CEP350: variants seen among roughly 807,000 people sequenced by gnomAD.
The protein encoded by CEP350 is centrosomal protein 350, also known as centrosome-associated protein 350.
A neutral mutation model predicts 331.8 loss-of-function variants in CEP350; 126 were observed. The ratio of observed to expected loss-of-function variants is 0.38; its 90% CI spans 0.33 to 0.44. CEP350 has a LOEUF of 0.44. Ranked by LOEUF, CEP350 falls within the 20% of genes least tolerant of loss-of-function variation. CEP350 has a pLI of 1.00. For missense variants in CEP350, 3,406 were observed against 3,634.6 expected, an observed-to-expected ratio of 0.94 and a Z score of 1.62; for synonymous variants, 1,200 against 1,259.5, an observed-to-expected ratio of 0.95 and a Z score of 1.00.
Position 180,112,182 on chromosome 1 carries a change from T to C in CEP350, c.*1021T>C, listed in dbSNP as rs1661494978. 6.6e-6 allele frequency: 1 copy of C among 152,664 alleles called. No homozygotes were observed. Among genetic ancestry groups the C allele is most frequent in the Non-Finnish European group, 1.5e-5 (1 of 68,036 alleles). 9.5% of individuals were successfully genotyped at this position (152,664 alleles called of 1,614,324 possible). The stretch of plus-strand genomic sequence containing the variant: ...ATTTTTTAATTTATTTTAAGATAAA[T>C]TATTAAGTTGAAAATGTGTGTCCCT... On this transcript the variant is annotated 3_prime_UTR_variant, in exon 38 of 38. Transcript: ENST00000367607.
At chr1:180,006,309 A>G in intron 7 of CEP350, 145 bp from the exon 8 acceptor site, 1 of 585,556 alleles carries the variant, frequency 1.7e-6, no homozygotes, top group East Asian at 2.9e-5. Context: ...TGTTGGTATT[A>G]TGTGGGCCAT....
intron 37 of CEP350, 142 bp downstream of exon 37, chr1:180,099,127 T>C (rs1660650852): frequency 1.3e-6 from 1 of 780,210 alleles, no homozygotes; most frequent in Non-Finnish European, 1.9e-6. Context: ...GCTGCATTTC[T>C]ACCCCTCAGT....
Position 180,043,066 on chromosome 1 carries a change from T to C in CEP350, c.4373T>C (p.Leu1458Ser). 2.5e-6 allele frequency: 4 copies of C among 1,612,310 alleles called. No individual in the cohort carries two copies. Among genetic ancestry groups the C allele is most frequent in the Non-Finnish European group, 3.4e-6 (4 of 1,179,082 alleles). The change falls in exon 20 of 38, where the codon TTG (leucine) becomes TCG (serine). Residue 1458 changes from leucine (L) to serine (S), a missense_variant. Transcript: ENST00000367607. ...TGTGTTCATGTTTAGATGGCAGAGT[T>C]GACTAGAACTCATATCTCAGATGCT... is the stretch of plus-strand genomic sequence containing the variant. The part of the protein sequence containing the change: ...AARQICEMAE[L>S]TRTHISDAVV...
At position 180,013,875 on chromosome 1, in the gene CEP350, T is replaced by A. The variant is rs1430069823; in HGVS notation, c.1422T>A (p.Asp474Glu). 1.2e-6 allele frequency: 2 copies of A among 1,612,086 alleles called. No individual in the cohort carries two copies. Among genetic ancestry groups the A allele is most frequent in the African/African-American group, 2.7e-5 (2 of 74,748 alleles). ...SGGHIGRAES[D>E]PRLDVLHRHL... ...GTCACATTGGAAGAGCAGAATCTGA[T>A]CCCAGGTTGGACGTTTTACATAGAC... Residue 474 changes from aspartate to glutamate, a missense_variant, in exon 10 of 38, where the codon GAT becomes GAA. Asp to Glu is a conservative substitution (Grantham distance 45). This residue lies in a region of CEP350 where 1,857 missense variants were observed against 1,909.2 expected (regional missense o/e 0.97). Coordinates refer to ENST00000367607, the MANE Select transcript of CEP350 (RefSeq NM_014810.5).
Position 180,073,879 on chromosome 1 carries a change from C to T in CEP350, c.5568-1143C>T, listed in dbSNP as rs998580797. On this transcript the variant is annotated intron_variant, in intron 27 of 37. Transcript: ENST00000367607. ...GTTTTCCCAACCTTCATCCCAAATT[C>T]CAGCTGTATATCTACAACCAGTTGG... is the stretch of plus-strand genomic sequence containing the variant. 6.2e-5 allele frequency: 81 copies of T among 1,304,698 alleles called. 1 individual carries two copies. The Admixed American group carries it at 1.7e-3, about 27-fold the overall frequency. 80.8% of individuals were successfully genotyped at this position (1,304,698 alleles called of 1,614,324 possible). A position where few individuals can be genotyped will look rare whatever the true frequency, so the allele number is the denominator to read the frequency against.
chr1:179,991,701 GTGTGTGTA>G (rs1473493753), intron 4 of CEP350, among the ~76,000 whole-genome samples: 9 of 132,952 alleles, frequency 6.8e-5, no homozygotes, highest in Non-Finnish European at 9.7e-5. Context: ...GTGTGTGTGT[GTGTGTGTA>G]TATATATATA....
Position 180,114,222 on chromosome 1 carries a change from A to G in CEP350, c.*3061A>G, listed in dbSNP as rs1337540329. On this transcript the variant is annotated 3_prime_UTR_variant, in exon 38 of 38. Coordinates refer to ENST00000367607, the MANE Select transcript of CEP350 (RefSeq NM_014810.5). ...AAAAAAGTGGCCTTAGCTTTTTGCA[A>G]TACTTGAATAAAGTGTGTACTCGCA... The G allele has an allele frequency of 6.6e-6, 1 of 152,630 alleles. No individual in the cohort carries two copies. Among genetic ancestry groups the G allele is most frequent in the African/African-American group, 2.4e-5 (1 of 41,446 alleles). 9.5% of individuals were successfully genotyped at this position (152,630 alleles called of 1,614,324 possible).
chr1:180,038,364 A>G (rs1169757505), intron 17 of CEP350, among the ~76,000 whole-genome samples: 1 of 151,720 alleles, frequency 6.6e-6, no homozygotes, highest in East Asian at 1.9e-4. Context: ...TTTTTAAACA[A>G]CTCTGTGCAT....
intron 1 of CEP350, among the ~76,000 whole-genome samples, chr1:179,974,045 G>GT (rs973352190): frequency 0.014 from 2,002 of 141,472 alleles, 11 homozygotes; most frequent in African/African-American, 0.022. Context: ...ATTTTTTTCT[G>GT]TTTTTTTTTT....
chr1:180,024,907 A>C (rs1655565630), intron 14 of CEP350, among the ~76,000 whole-genome samples: 1 of 151,976 alleles, frequency 6.6e-6, no homozygotes, highest in Non-Finnish European at 1.5e-5. Flanking sequence ...AATTATACAC[A>C]CACATGACTT....
chr1:180,009,323 T>A (rs944399333), intron 8 of CEP350, among the ~76,000 whole-genome samples: 1 of 152,242 alleles, frequency 6.6e-6, no homozygotes, highest in African/African-American at 2.4e-5. Context: ...ATTACATTTT[T>A]AAAAAGTATT....
chr1:180,105,162 G>C (rs1011185993), intron 37 of CEP350, among the ~76,000 whole-genome samples: 2 of 151,804 alleles, frequency 1.3e-5, no homozygotes, highest in African/African-American at 4.8e-5. Flanking sequence ...TGTGTTACTT[G>C]ACCCATCAGC....
chr1:179,976,134 G>A (rs1651846233), intron 1 of CEP350, among the ~76,000 whole-genome samples: 1 of 152,066 alleles, frequency 6.6e-6, no homozygotes, highest in Non-Finnish European at 1.5e-5. Flanking sequence ...TGTATTACTA[G>A]AATGTAGGCA....
intron 6 of CEP350, chr1:180,000,367 A>G (rs1160801887): frequency 6.6e-6 from 1 of 150,688 alleles, no homozygotes; most frequent in Non-Finnish European, 1.5e-5. Context: ...AAGTTTTTAC[A>G]GTTTATTAAT....
Position 180,094,518 on chromosome 1 carries a change from G to A in CEP350, c.8413G>A (p.Val2805Ile). 6.2e-7 allele frequency: 1 copy of A among 1,613,898 alleles called. No individual in the cohort carries two copies. The highest frequency in any genetic ancestry group is 8.5e-7 in the Non-Finnish European group (1 of 1,179,842). Residue 2805 changes from valine (V) to isoleucine (I), a missense_variant, in exon 34 of 38, where the codon GTT becomes ATT. Transcript: ENST00000367607. ...AACACCCCAAGACCTATCCCAAAAT[G>A]TTGAGGAACAGTCGCCAAGTATTTC... The part of the protein sequence containing the change: ...KVTPQDLSQN[V>I]EEQSPSISGC...
At chr1:180,083,018 A>G (rs1341105377) in intron 30 of CEP350, among the ~76,000 whole-genome samples, 1 of 152,214 alleles carries the variant, frequency 6.6e-6, no homozygotes, top group East Asian at 1.9e-4. Context: ...TCTTATTCAG[A>G]CATTTAGACC....
chr1:180,003,316 G>C, intron 7 of CEP350, 29 bp downstream of exon 7: 1 of 1,397,846 alleles, frequency 7.2e-7, no homozygotes, highest in Non-Finnish European at 9.9e-7. Flanking sequence ...TATGTTTTGA[G>C]TATTTTGTCA....
chr1:180,026,103 G>A lies in CEP350; in HGVS notation c.3550+1521G>A, dbSNP rs554268795. Among the ~76,000 whole-genome samples, 70 of 151,844 alleles carry A rather than the reference G, an allele frequency of 4.6e-4. 2 individuals carry two copies. The highest frequency in any genetic ancestry group is 8.4e-4 in the South Asian group (4 of 4,788). Reference sequence around the variant, plus strand: ...AGCCTGGCCAATATGGTGAAACACCGTCTCTAAAAATACAAAAATTAGCCA... The same window carrying A: ...AGCCTGGCCAATATGGTGAAACACCATCTCTAAAAATACAAAAATTAGCCA... On this transcript the variant is annotated intron_variant, in intron 14 of 37. Transcript: ENST00000367607.
chr1:180,097,310 A>T (rs954913174), intron 36 of CEP350, among the ~76,000 whole-genome samples: 1 of 152,238 alleles, frequency 6.6e-6, no homozygotes, highest in Non-Finnish European at 1.5e-5. Context: ...AAAGCCTAAA[A>T]TATTTACAGT....
Sources: gnomAD v4.1 joint callset for allele counts (sites outside exome capture counted in the v4.1 genomes callset) on GRCh38, gnomAD v4.1.1 for gene constraint, gnomAD v4.1.1 regional missense constraint, MANE v1.5 for transcripts, NCBI Gene and HGNC (gene_info 2026-07-23, HGNC 2026-07-21) for gene names.